PTPRD: variants seen among roughly 807,000 people sequenced by gnomAD.
PTPRD encodes the protein protein tyrosine phosphatase receptor type D.
PTPRD carries 34 observed loss-of-function variants against 214.5 expected under a neutral mutation model. The observed-to-expected ratio is 0.16, with a 90% CI of 0.12 to 0.21. The LOEUF (loss-of-function observed/expected upper bound fraction) is 0.21. Among genes scored for constraint, PTPRD ranks in the 10% least tolerant of loss-of-function variants. The probability of loss-of-function intolerance (pLI) is 1.00; values close to 1 mark genes in which losing one functional copy is unlikely to be tolerated. For missense variants in PTPRD, 2,545 were observed against 2,398.7 expected (o/e 1.06, Z -1.27); for synonymous variants, 1,128 against 845.7 (o/e 1.33, Z -5.79).
chr9:8,362,106 C>T (rs1156849468), intron 39 of PTPRD, among the ~76,000 whole-genome samples: 3 of 152,204 alleles, frequency 2.0e-5, no homozygotes, highest in Admixed American at 6.5e-5. Context: ...GGCCACAAAG[C>T]TTCACTCTAA....
chr9:8,669,213 A>C (rs2097228807), intron 12 of PTPRD, among the ~76,000 whole-genome samples: 1 of 152,000 alleles, frequency 6.6e-6, no homozygotes. Context: ...CTGTTACTAG[A>C]GGGTAGCGGG....
intron 9 of PTPRD, among the ~76,000 whole-genome samples, chr9:9,352,754 T>C (rs1026197464): frequency 4.6e-5 from 7 of 152,002 alleles, no homozygotes; most frequent in African/African-American, 2.4e-5. Flanking sequence ...CAGAACTATC[T>C]TGACTTCTCT....
chr9:8,763,323 C>G (rs947114230), intron 11 of PTPRD, among the ~76,000 whole-genome samples: 1 of 151,774 alleles, frequency 6.6e-6, no homozygotes, highest in Non-Finnish European at 1.5e-5. Context: ...ACCAGCCTAG[C>G]CAATATAACG....
intron 10 of PTPRD, among the ~76,000 whole-genome samples, chr9:9,084,164 A>G (rs2099763420): frequency 6.6e-6 from 1 of 152,226 alleles, no homozygotes; most frequent in Non-Finnish European, 1.5e-5. Context: ...AATGCCCATC[A>G]ATGATAGACT....
Position 10,182,259 on chromosome 9 carries a change from C to CAAAAAAAAAAAAAAAAAA in PTPRD, c.-544-148487_-544-148470dup, listed in dbSNP as rs3075574. 1.1e-3 allele frequency among the ~76,000 whole-genome samples: 61 copies of CAAAAAAAAAAAAAAAAAA among 54,376 alleles called. 1 individual carries two copies. The highest frequency in any genetic ancestry group is 2.1e-3 in the African/African-American group (26 of 12,484). 35.7% of individuals were successfully genotyped at this position (54,376 alleles called of 152,430 possible). A position where few individuals can be genotyped will look rare whatever the true frequency, so the allele number is the denominator to read the frequency against. Reference sequence around the variant, plus strand: ...TGGGCAGCACAGTGAGACTCTGCCTCAAAAAAAAAAAAAAAAAAAAGAAAA... The same window carrying CAAAAAAAAAAAAAAAAAA: ...TGGGCAGCACAGTGAGACTCTGCCTCAAAAAAAAAAAAAAAAAAAAAAAAAAAAAAAAAAAAAAGAAAA... On this transcript the variant is annotated intron_variant, in intron 3 of 45. Transcript: ENST00000381196.
At chr9:9,558,359 T>A (rs967647695) in intron 8 of PTPRD, among the ~76,000 whole-genome samples, 2 of 152,120 alleles carry the variant, frequency 1.3e-5, no homozygotes, top group Admixed American at 1.3e-4. Flanking sequence ...AATGTAAACA[T>A]CCTAACTTGG....
chr9:8,565,147 C>A (rs117053406), intron 14 of PTPRD, among the ~76,000 whole-genome samples: 1 of 151,920 alleles, frequency 6.6e-6, no homozygotes, highest in African/African-American at 2.4e-5. Flanking sequence ...TCAAGCTAAC[C>A]GCAGTGGTTT....
chr9:10,550,920 G>T (rs368993161), intron 2 of PTPRD, among the ~76,000 whole-genome samples: 1 of 152,012 alleles, frequency 6.6e-6, no homozygotes, highest in Non-Finnish European at 1.5e-5. Context: ...TATTCACTTC[G>T]GTATTAACTT....
At chr9:8,387,818 T>C (rs926666617) in intron 37 of PTPRD, among the ~76,000 whole-genome samples, 34 of 152,214 alleles carry the variant, frequency 2.2e-4, no homozygotes, top group Non-Finnish European at 2.9e-5. Context: ...GCACCTAATA[T>C]GTTAGACATT....
rs1384646252 is a variant in PTPRD at position 8,342,114 on chromosome 9, G to C, written c.4662-136C>G. ...CTCAAATAGCTATTGGGATGACTTT[G>C]TAATACTCTAAAGTCAAAAGTATTA... On this transcript the variant is annotated intron_variant, in intron 39 of 45. Coordinates refer to ENST00000381196, the MANE Select transcript of PTPRD (RefSeq NM_002839.4). 4.4e-6 allele frequency: 4 copies of C among 901,598 alleles called. No individual in the cohort carries two copies. In the East Asian group the frequency reaches 1.1e-4, roughly 24 times the overall value. 55.8% of individuals were successfully genotyped at this position (901,598 alleles called of 1,614,324 possible). A position where few individuals can be genotyped will look rare whatever the true frequency, so the allele number is the denominator to read the frequency against.
chr9:9,813,008 T>C (rs1048433369), intron 5 of PTPRD, among the ~76,000 whole-genome samples: 10 of 151,804 alleles, frequency 6.6e-5, no homozygotes, highest in Non-Finnish European at 1.0e-4. Context: ...GAGGAGAAAA[T>C]AGGAAAATTC....
In PTPRD at chr9:10,210,064, G is replaced by A. The variant is rs868095458; in HGVS notation, c.-545+130899C>T. Among the ~76,000 whole-genome samples the A allele has an allele frequency of 2.6e-5, 4 of 152,010 alleles. 1 individual carries two copies. In the Middle Eastern group the frequency reaches 0.01, roughly 388 times the overall value. ...TTAAAAGGTGAAAAAGTTTATTTCT[G>A]AAAACATGTAGTAAAAAATAAGGAA... On this transcript the variant is annotated intron_variant, in intron 3 of 45. Coordinates refer to ENST00000381196, the MANE Select transcript of PTPRD (RefSeq NM_002839.4).
At chr9:9,149,387 A>G (rs10977529) in intron 10 of PTPRD, among the ~76,000 whole-genome samples, 23,695 of 152,234 alleles carry the variant, frequency 0.16, 1,883 homozygotes, top group South Asian at 0.25. Context: ...ATATGCAGAG[A>G]AAGATGATTC....
At chr9:9,642,093 T>A (rs1306956689) in intron 7 of PTPRD, among the ~76,000 whole-genome samples, 2 of 148,372 alleles carry the variant, frequency 1.3e-5, no homozygotes, top group Non-Finnish European at 1.5e-5. Flanking sequence ...CCATAAAAAA[T>A]GATGAGTTCA....
intron 9 of PTPRD, among the ~76,000 whole-genome samples, chr9:9,194,845 T>C (rs1281012126): frequency 6.6e-6 from 1 of 152,042 alleles, no homozygotes; most frequent in Non-Finnish European, 1.5e-5. Context: ...TGAGCATCAA[T>C]GCAGTTGGGT....
At chr9:8,455,542 A>T (rs2096158530) in intron 33 of PTPRD, among the ~76,000 whole-genome samples, 1 of 152,212 alleles carries the variant, frequency 6.6e-6, no homozygotes, top group African/African-American at 2.4e-5. Flanking sequence ...TCTTAATGCC[A>T]ATGAAATATA....
Position 8,316,979 on chromosome 9 carries a change from G to A in PTPRD, c.*895C>T. 1 of 231,170 alleles carries A rather than the reference G, an allele frequency of 4.3e-6. No individual in the cohort carries two copies. The highest frequency in any genetic ancestry group is 6.1e-5 in the East Asian group (1 of 16,326). 14.3% of individuals were successfully genotyped at this position (231,170 alleles called of 1,614,324 possible). A position where few individuals can be genotyped will look rare whatever the true frequency, so the allele number is the denominator to read the frequency against. On this transcript the variant is annotated 3_prime_UTR_variant, in exon 46 of 46. Transcript: ENST00000381196. The stretch of plus-strand genomic sequence containing the variant: ...ACCCTTATAAAATATGGATATATAT[G>A]TATATATGTTAGCAGCAACTTTATA...
chr9:9,373,126 A>T (rs940022550), intron 9 of PTPRD, among the ~76,000 whole-genome samples: 1 of 152,016 alleles, frequency 6.6e-6, no homozygotes, highest in Non-Finnish European at 1.5e-5. Context: ...TTTTGGAACT[A>T]ATAGTTTTCA....
At chr9:8,795,905 GC>G (rs1260941916) in intron 11 of PTPRD, among the ~76,000 whole-genome samples, 4 of 151,826 alleles carry the variant, frequency 2.6e-5, no homozygotes, top group African/African-American at 9.7e-5. Context: ...GCACCAAGTC[GC>G]ATGTTCAAAA....
Sources: gnomAD v4.1 joint callset for allele counts (sites outside exome capture counted in the v4.1 genomes callset) on GRCh38, gnomAD v4.1.1 for gene constraint, MANE v1.5 for transcripts, NCBI Gene and HGNC (gene_info 2026-07-23, HGNC 2026-07-21) for gene names.